Variants in WWOX observed in about 807,000 individuals in gnomAD.
The protein encoded by WWOX is WW domain-containing oxidoreductase.
In WWOX, 69 loss-of-function variants were observed where a neutral mutation model predicts 46.2. The ratio of observed to expected loss-of-function variants is 1.49; its 90% CI spans 1.23 to 1.82. The LOEUF is 1.82. WWOX is among the 40% of genes most tolerant of loss of function. WWOX has a pLI of 0.00. For missense variants in WWOX, 919 were observed against 542.6 expected (o/e 1.69, Z -6.89); for synonymous variants, 359 against 202.6 (o/e 1.77, Z -6.56).
intron 8 of WWOX, among the ~76,000 whole-genome samples, chr16:78,582,253 A>G (rs925744556): frequency 6.6e-6 from 1 of 152,182 alleles, no homozygotes; most frequent in African/African-American, 2.4e-5. Context: ...GGTAAAAATC[A>G]AGTAAGATCT....
chr16:78,812,462 C>T (rs1320643937), intron 8 of WWOX, among the ~76,000 whole-genome samples: 1 of 152,122 alleles, frequency 6.6e-6, no homozygotes, highest in East Asian at 1.9e-4. Flanking sequence ...TGGCTCCTGC[C>T]TGTAATCCTG....
intron 5 of WWOX, among the ~76,000 whole-genome samples, chr16:78,364,394 G>T (rs1422120243): frequency 6.6e-6 from 1 of 152,144 alleles, no homozygotes; most frequent in Non-Finnish European, 1.5e-5. Context: ...CATTTACTTG[G>T]CTTTGGAGAA....
intron 8 of WWOX, among the ~76,000 whole-genome samples, chr16:79,049,067 G>A (rs2048118342): frequency 6.6e-6 from 1 of 152,174 alleles, no homozygotes. Context: ...TCTATCCTCT[G>A]ACAGTTTATA....
At chr16:78,690,648 C>T (rs868216918) in intron 8 of WWOX, among the ~76,000 whole-genome samples, 1 of 146,736 alleles carries the variant, frequency 6.8e-6, no homozygotes, top group African/African-American at 2.4e-5. Context: ...CAGTTGCAAA[C>T]TCAGAAGGAT....
chr16:78,330,254 T>G (rs2080723308), intron 5 of WWOX, among the ~76,000 whole-genome samples: 1 of 152,188 alleles, frequency 6.6e-6, no homozygotes, highest in African/African-American at 2.4e-5. Context: ...TGCCACTGAA[T>G]TGTTCACTTA....
intron 8 of WWOX, among the ~76,000 whole-genome samples, chr16:78,974,541 A>T (rs1034530635): frequency 3.9e-5 from 6 of 152,222 alleles, no homozygotes; most frequent in African/African-American, 1.4e-4. Flanking sequence ...TTAATAAACC[A>T]TGTATTATTT....
chr16:78,506,987 C>G (rs1460185729), intron 8 of WWOX, among the ~76,000 whole-genome samples: 2 of 152,084 alleles, frequency 1.3e-5, no homozygotes, highest in African/African-American at 4.8e-5. Context: ...GTGCTGGGAT[C>G]ACAGGCGTGA....
intron 5 of WWOX, among the ~76,000 whole-genome samples, chr16:78,309,971 C>T (rs547389316): frequency 1.3e-5 from 2 of 152,200 alleles, no homozygotes; most frequent in South Asian, 2.1e-4. Context: ...TTCGTAGAGC[C>T]AGGGTCTGGG....
chr16:78,557,102 G>A (rs2044316404), intron 8 of WWOX, among the ~76,000 whole-genome samples: 1 of 152,178 alleles, frequency 6.6e-6, no homozygotes, highest in Non-Finnish European at 1.5e-5. Flanking sequence ...AAATGTGGAA[G>A]GATGATTGTG....
At chr16:78,955,578 T>G (rs372115333) in intron 8 of WWOX, among the ~76,000 whole-genome samples, 98 of 152,340 alleles carry the variant, frequency 6.4e-4, no homozygotes, top group African/African-American at 2.0e-3. Context: ...CATATTTACT[T>G]TATGAAACCT....
chr16:78,516,547 G>A (rs1345324376), intron 8 of WWOX, among the ~76,000 whole-genome samples: 1 of 152,164 alleles, frequency 6.6e-6, no homozygotes, highest in Non-Finnish European at 1.5e-5. Context: ...CCTCTGTGAT[G>A]TTGGAATCTT....
intron 8 of WWOX, among the ~76,000 whole-genome samples, chr16:78,483,952 G>A (rs976941875): frequency 2.0e-5 from 3 of 152,130 alleles, no homozygotes; most frequent in Non-Finnish European, 2.9e-5. Flanking sequence ...CCCCTAGTGT[G>A]TCTGTTGAAA....
chr16:78,358,858 A>C (rs1472829159), intron 5 of WWOX, among the ~76,000 whole-genome samples: 2 of 113,962 alleles, frequency 1.8e-5, no homozygotes, highest in Non-Finnish European at 1.8e-5. Context: ...TTGAAATCAC[A>C]CTGTGGTCTT....
chr16:78,575,483 A>G (rs888597633), intron 8 of WWOX, among the ~76,000 whole-genome samples: 7 of 152,014 alleles, frequency 4.6e-5, no homozygotes, highest in Admixed American at 6.6e-5. Context: ...GGATGTCTGC[A>G]TGGAGGACAA....
chr16:79,162,541 C>G (rs893113930), intron 8 of WWOX, among the ~76,000 whole-genome samples: 8 of 152,178 alleles, frequency 5.3e-5, no homozygotes, highest in African/African-American at 2.4e-5. Flanking sequence ...TCAGTTACCT[C>G]TAGCCCTGAA....
intron 8 of WWOX, among the ~76,000 whole-genome samples, chr16:79,103,016 C>G (rs528905177): frequency 4.5e-4 from 68 of 150,290 alleles, no homozygotes; most frequent in African/African-American, 1.6e-3. Flanking sequence ...CTCTTCTTCC[C>G]TCTTCTTTGT....
At chr16:79,202,816 T>A (rs1483633182) in intron 8 of WWOX, 1 of 152,200 alleles carries the variant, frequency 6.6e-6, no homozygotes, top group Non-Finnish European at 1.5e-5. Flanking sequence ...TCTACAGTTA[T>A]TTACAGTCTA....
intron 8 of WWOX, among the ~76,000 whole-genome samples, chr16:78,693,637 C>T (rs1173636548): frequency 6.6e-6 from 1 of 152,122 alleles, no homozygotes; most frequent in Non-Finnish European, 1.5e-5. Context: ...TGTCTGGAGA[C>T]ATTGTTGGTT....
rs550117707 is a variant in WWOX at position 79,022,603 on chromosome 16, T to C, written c.1057-189005T>C. 3.3e-4 allele frequency among the ~76,000 whole-genome samples: 50 copies of C among 152,308 alleles called. 1 individual carries two copies. In the South Asian group the frequency reaches 7.1e-3, roughly 22 times the overall value. On this transcript the variant is annotated intron_variant, in intron 8 of 8. Coordinates refer to ENST00000566780, the MANE Select transcript of WWOX (RefSeq NM_016373.4). The stretch of plus-strand genomic sequence containing the variant: ...TGGGGAAGGGAACATACTTTTAGGA[T>C]GTCAGTCCCAGTTTTAATTACAAGT...
Sources: gnomAD v4.1 joint callset for allele counts (sites outside exome capture counted in the v4.1 genomes callset) on GRCh38, gnomAD v4.1.1 for gene constraint, MANE v1.5 for transcripts, NCBI Gene and HGNC (gene_info 2026-07-23, HGNC 2026-07-21) for gene names.